The following NRXN3 variants were observed in gnomAD, a reference collection of about 807,000 sequenced individuals.
The protein encoded by NRXN3 is neurexin 3.
A neutral mutation model predicts 137.6 loss-of-function variants in NRXN3; 32 were observed. That is an observed-to-expected ratio of 0.23 (90% CI 0.18 to 0.31). NRXN3 has a LOEUF of 0.31. Among genes scored for constraint, NRXN3 ranks in the 10% least tolerant of loss-of-function variants. The pLI is 1.00. For missense variants in NRXN3, 1,574 were observed against 2,062.5 expected (o/e 0.76, Z 4.59); for synonymous variants, 798 against 784.5 (o/e 1.02, Z -0.29).
intron 19 of NRXN3, among the ~76,000 whole-genome samples, chr14:79,749,675 A>C (rs1044514157): frequency 1.3e-5 from 2 of 152,010 alleles, no homozygotes; most frequent in African/African-American, 4.8e-5. Context: ...GGATGTCACC[A>C]ATCTGGGAAG....
intron 20 of NRXN3, among the ~76,000 whole-genome samples, chr14:79,810,509 T>C (rs184260257): frequency 1.3e-5 from 2 of 152,354 alleles, no homozygotes; most frequent in Non-Finnish European, 2.9e-5. Context: ...AAATAATTGC[T>C]ATTCCCAGAG....
chr14:78,625,286 A>T (rs943915068), intron 4 of NRXN3, among the ~76,000 whole-genome samples: 3 of 152,260 alleles, frequency 2.0e-5, no homozygotes, highest in Non-Finnish European at 4.4e-5. Context: ...AGATTTATCC[A>T]TGATAGAGTA....
chr14:78,308,669 T>C (rs1451454558), intron 4 of NRXN3, among the ~76,000 whole-genome samples: 2 of 152,082 alleles, frequency 1.3e-5, no homozygotes, highest in Non-Finnish European at 2.9e-5. Context: ...AGATCTATTA[T>C]TGAAATGAGA....
intron 4 of NRXN3, among the ~76,000 whole-genome samples, chr14:78,456,770 G>C (rs542332901): frequency 6.8e-6 from 1 of 147,024 alleles, no homozygotes; most frequent in Non-Finnish European, 1.5e-5. Flanking sequence ...GGCTCTGCAG[G>C]ATTTCTTTCC....
At chr14:78,719,433 C>CAGT (rs921014057) in intron 8 of NRXN3, among the ~76,000 whole-genome samples, 2 of 151,192 alleles carry the variant, frequency 1.3e-5, no homozygotes, top group African/African-American at 4.9e-5. Flanking sequence ...GCAGCAGCAG[C>CAGT]AAAAGCAAAT....
chr14:78,343,385 G>A, intron 4 of NRXN3, among the ~76,000 whole-genome samples: 1 of 152,128 alleles, frequency 6.6e-6, no homozygotes, highest in Admixed American at 6.5e-5. Context: ...CCATCTGTGG[G>A]CATCTCTCCC....
At chr14:78,999,114 A>G (rs1567945142) in intron 15 of NRXN3, among the ~76,000 whole-genome samples, 1 of 152,184 alleles carries the variant, frequency 6.6e-6, no homozygotes, top group Non-Finnish European at 1.5e-5. Flanking sequence ...GACTTCAGAA[A>G]AGTGGAGTTG....
At chr14:78,811,348 C>T (rs191988780) in intron 10 of NRXN3, among the ~76,000 whole-genome samples, 5 of 152,182 alleles carry the variant, frequency 3.3e-5, no homozygotes, top group Non-Finnish European at 4.4e-5. Context: ...GAGTTCTTTA[C>T]TTCTGGCTGT....
At chr14:78,346,602 A>G (rs978666073) in intron 4 of NRXN3, among the ~76,000 whole-genome samples, 2 of 152,144 alleles carry the variant, frequency 1.3e-5, no homozygotes, top group African/African-American at 2.4e-5. Context: ...CTGGGGTGAG[A>G]TGAGCTCTTC....
chr14:79,022,475 C>T (rs1036016145), intron 15 of NRXN3, among the ~76,000 whole-genome samples: 1 of 152,170 alleles, frequency 6.6e-6, no homozygotes, highest in Non-Finnish European at 1.5e-5. Context: ...AAATGGTCCA[C>T]TGACAGGTCA....
chr14:78,862,483 T>C (rs1205770400), intron 10 of NRXN3, among the ~76,000 whole-genome samples: 1 of 152,124 alleles, frequency 6.6e-6, no homozygotes, highest in Non-Finnish European at 1.5e-5. Flanking sequence ...TTTTTAGGAT[T>C]ACAGAACTTG....
chr14:79,153,595 A>G (rs992358230), intron 15 of NRXN3, among the ~76,000 whole-genome samples: 1 of 152,034 alleles, frequency 6.6e-6, no homozygotes, highest in East Asian at 1.9e-4. Flanking sequence ...TCCTGAGAAG[A>G]CCGTAAACCC....
chr14:78,671,100 G>GA (rs2097929716), intron 6 of NRXN3, among the ~76,000 whole-genome samples: 1 of 152,176 alleles, frequency 6.6e-6, no homozygotes, highest in South Asian at 2.1e-4. Flanking sequence ...AGGCTTAAAA[G>GA]GGAAAATTAG....
At chr14:78,271,378 A>G (rs932149621) in intron 2 of NRXN3, among the ~76,000 whole-genome samples, 5 of 152,152 alleles carry the variant, frequency 3.3e-5, no homozygotes, top group Admixed American at 1.3e-4. Flanking sequence ...TGAACCTAAG[A>G]AATTTGCCAA....
intron 20 of NRXN3, among the ~76,000 whole-genome samples, chr14:79,827,345 G>GA (rs908964449): frequency 6.6e-6 from 1 of 152,014 alleles, no homozygotes; most frequent in Non-Finnish European, 1.5e-5. Context: ...CTAAGAGGAA[G>GA]AAAAAATGCA....
intron 3 of NRXN3, among the ~76,000 whole-genome samples, chr14:78,288,968 G>A (rs35207326): frequency 0.16 from 24,592 of 152,174 alleles, 2,064 homozygotes; most frequent in Middle Eastern, 0.22. Context: ...CAGTGAGTGG[G>A]CTGGTATGAT....
chr14:78,374,335 A>G (rs2153621834), intron 4 of NRXN3, among the ~76,000 whole-genome samples: 1 of 152,348 alleles, frequency 6.6e-6, no homozygotes, highest in South Asian at 2.1e-4. Context: ...AAGCTTCACT[A>G]ATAGAGTGGT....
chr14:79,273,782 T>C (rs148055128), intron 15 of NRXN3, among the ~76,000 whole-genome samples: 267 of 151,838 alleles, frequency 1.8e-3, no homozygotes, highest in African/African-American at 6.2e-3. Context: ...ATTTCACAGA[T>C]GAAGAAACTA....
intron 16 of NRXN3, among the ~76,000 whole-genome samples, chr14:79,593,883 G>A (rs763777203): frequency 2.0e-5 from 3 of 152,116 alleles, no homozygotes; most frequent in Non-Finnish European, 4.4e-5. Context: ...TTGGGATAGC[G>A]CTGCTGGCCT....
Sources: gnomAD v4.1 joint callset for allele counts (sites outside exome capture counted in the v4.1 genomes callset) on GRCh38, gnomAD v4.1.1 for gene constraint, MANE v1.5 for transcripts, NCBI Gene and HGNC (gene_info 2026-07-23, HGNC 2026-07-21) for gene names.